Variants in GLP2R observed in about 807,000 individuals in gnomAD.
GLP2R encodes glucagon like peptide 2 receptor.
GLP2R carries 59 observed loss-of-function variants against 68.2 expected under a neutral mutation model. The ratio of observed to expected loss-of-function variants is 0.87; its 90% CI spans 0.70 to 1.07. The LOEUF is 1.07. Among genes scored for constraint, GLP2R ranks in the 50% least tolerant of loss-of-function variants. GLP2R has a pLI of 0.00. For missense variants in GLP2R, 548 were observed against 677.4 expected (o/e 0.81, Z 2.12); for synonymous variants, 270 against 265.4 (o/e 1.02, Z -0.17).
chr17:9,837,882 T>C (rs989078340), intron 3 of GLP2R, among the ~76,000 whole-genome samples: 3 of 152,188 alleles, frequency 2.0e-5, no homozygotes, highest in African/African-American at 4.8e-5. Flanking sequence ...GGTAAGATGA[T>C]AGCCTTTTGT....
At chr17:9,873,577 T>TTTTTTTTTTTTTTTTTTTTTTTTG (rs2067116709) in intron 10 of GLP2R, among the ~76,000 whole-genome samples, 2 of 147,512 alleles carry the variant, frequency 1.4e-5, no homozygotes, top group Non-Finnish European at 3.0e-5. Context: ...TTTTTTTTTT[T>TTTTTTTTTTTTTTTTTTTTTTTTG]TTAGCTCATC....
intron 1 of GLP2R, among the ~76,000 whole-genome samples, chr17:9,829,222 G>A (rs771882639): frequency 6.6e-6 from 1 of 152,154 alleles, no homozygotes; most frequent in Non-Finnish European, 1.5e-5. Flanking sequence ...AGTTGCTTTG[G>A]CATCAAAAAC....
chr17:9,842,087 TC>T (rs59814480), intron 3 of GLP2R, among the ~76,000 whole-genome samples: 24,112 of 152,130 alleles, frequency 0.16, 3,224 homozygotes, highest in African/African-American at 0.35. Flanking sequence ...GGATGGCGCA[TC>T]CGGCTTCAGC....
intron 12 of GLP2R, among the ~76,000 whole-genome samples, chr17:9,888,187 T>G (rs2067260256): frequency 6.6e-6 from 1 of 152,136 alleles, no homozygotes; most frequent in Non-Finnish European, 1.5e-5. Context: ...ATAAGGGAGT[T>G]CAGAAGCCAG....
intron 10 of GLP2R, among the ~76,000 whole-genome samples, chr17:9,874,205 A>G (rs1349087407): frequency 3.3e-5 from 5 of 152,218 alleles, no homozygotes; most frequent in African/African-American, 1.2e-4. Context: ...CCATTGGTCT[A>G]GGAAAGGGTA....
At position 9,890,364 on chromosome 17, in the gene GLP2R, C is replaced by A. The variant is rs1251773206; in HGVS notation, c.*659C>A. On this transcript the variant is annotated 3_prime_UTR_variant, in exon 13 of 13. Transcript: ENST00000262441. ...CCTGCCCTCCTTGGAGAGTATGTAA[C>A]TCCACCCACCAGAGTGCCACTCCTC... The A allele has an allele frequency of 7.9e-6, 2 of 254,538 alleles. No homozygotes were observed. Among genetic ancestry groups the A allele is most frequent in the Non-Finnish European group, 1.5e-5 (2 of 129,214 alleles). 15.8% of individuals were successfully genotyped at this position (254,538 alleles called of 1,614,324 possible).
intron 4 of GLP2R, among the ~76,000 whole-genome samples, chr17:9,843,779 C>T (rs1180735203): frequency 6.6e-6 from 1 of 152,202 alleles, no homozygotes; most frequent in East Asian, 1.9e-4. Context: ...CAGATATCTA[C>T]GGCCACACCT....
At chr17:9,869,785 A>C (rs368630460) in intron 9 of GLP2R, among the ~76,000 whole-genome samples, 9 of 152,174 alleles carry the variant, frequency 5.9e-5, no homozygotes, top group Admixed American at 3.9e-4. Context: ...CCTTTTGAGG[A>C]CCTAGCCCAG....
chr17:9,848,187 TTGTC>T (rs1238489176), intron 4 of GLP2R, among the ~76,000 whole-genome samples: 1 of 152,194 alleles, frequency 6.6e-6, no homozygotes, highest in South Asian at 2.1e-4. Flanking sequence ...TCTCAAGAAT[TTGTC>T]TGACTTTTTT....
At chr17:9,877,664 C>T (rs1313314947) in intron 10 of GLP2R, among the ~76,000 whole-genome samples, 1 of 152,010 alleles carries the variant, frequency 6.6e-6, no homozygotes, top group Non-Finnish European at 1.5e-5. Flanking sequence ...CCGAGGCGGG[C>T]GGATCACAAG....
intron 6 of GLP2R, among the ~76,000 whole-genome samples, chr17:9,859,332 C>A (rs933967144): frequency 6.6e-6 from 1 of 152,094 alleles, no homozygotes; most frequent in Admixed American, 6.6e-5. Context: ...TCCATTAGGG[C>A]AGTTGCTGAT....
At position 9,891,069 on chromosome 17, in the gene GLP2R, A is replaced by T. The variant is rs1305185611; in HGVS notation, c.*1364A>T. On this transcript the variant is annotated 3_prime_UTR_variant, in exon 13 of 13. Transcript: ENST00000262441. The stretch of plus-strand genomic sequence containing the variant: ...GTATGTTGCTATGGGACTAAATACC[A>T]CCTTGTCTTCGGGGGAGTCAGTTTG... The T allele has an allele frequency of 6.6e-6, 1 of 152,170 alleles. No individual in the cohort carries two copies. The highest frequency in any genetic ancestry group is 1.9e-4 in the East Asian group (1 of 5,204). The allele number at this position is 152,170 out of a possible 1,614,324, so 9.4% of individuals were successfully genotyped here. A position where few individuals can be genotyped will look rare whatever the true frequency, so the allele number is the denominator to read the frequency against.
intron 12 of GLP2R, among the ~76,000 whole-genome samples, chr17:9,888,291 T>G (rs1272789805): frequency 6.6e-6 from 1 of 152,116 alleles, no homozygotes; most frequent in East Asian, 1.9e-4. Flanking sequence ...CACGCCTTGG[T>G]TCACCCTCAG....
At chr17:9,838,385 C>T (rs1323816387) in intron 3 of GLP2R, among the ~76,000 whole-genome samples, 3 of 152,130 alleles carry the variant, frequency 2.0e-5, no homozygotes, top group Admixed American at 6.5e-5. Context: ...GCTTGGTCCG[C>T]GGGAGCTGAA....
intron 1 of GLP2R, among the ~76,000 whole-genome samples, chr17:9,828,294 A>C (rs565569296): frequency 3.1e-4 from 47 of 152,322 alleles, no homozygotes; most frequent in African/African-American, 1.1e-3. Context: ...ATCCTTCAGG[A>C]AGGTGGCCCT....
At chr17:9,877,792 G>A (rs2067154916) in intron 10 of GLP2R, among the ~76,000 whole-genome samples, 2 of 151,056 alleles carry the variant, frequency 1.3e-5, no homozygotes. Context: ...CAGGAGAATG[G>A]CATGAACCCG....
At chr17:9,827,251 C>T (rs898173770) in intron 1 of GLP2R, among the ~76,000 whole-genome samples, 1 of 152,036 alleles carries the variant, frequency 6.6e-6, no homozygotes, top group Non-Finnish European at 1.5e-5. Flanking sequence ...TAACAAAATA[C>T]ACTAATAACA....
At position 9,880,454 on chromosome 17, in the gene GLP2R, C is replaced by A; in HGVS notation, c.1222C>A (p.Gln408Lys). 1 of 1,599,166 alleles carries A rather than the reference C, an allele frequency of 6.3e-7. No homozygotes were observed. Among genetic ancestry groups the A allele is most frequent in the Non-Finnish European group, 8.6e-7 (1 of 1,168,028 alleles). ...CCTCTTCTCTTTCATCACTGATGAT[C>A]AAGTTGAAGGATTTGCAAAACTTAT... The part of the protein sequence containing the change: ...EILFSFITDD[Q>K]VEGFAKLIRL... The change falls in exon 11 of 13, where the codon CAA (glutamine) becomes AAA (lysine). Residue 408 changes from glutamine to lysine, a missense_variant. By Grantham distance (53) the Gln-to-Lys change is moderately conservative. Coordinates refer to ENST00000262441, the MANE Select transcript of GLP2R (RefSeq NM_004246.3).
At chr17:9,855,293 G>A (rs1051962856) in intron 5 of GLP2R, among the ~76,000 whole-genome samples, 5 of 152,170 alleles carry the variant, frequency 3.3e-5, no homozygotes, top group African/African-American at 1.2e-4. Context: ...GGAAGAAAGG[G>A]ATGGCAATGT....
Sources: gnomAD v4.1 joint callset for allele counts (sites outside exome capture counted in the v4.1 genomes callset) on GRCh38, gnomAD v4.1.1 for gene constraint, MANE v1.5 for transcripts, NCBI Gene and HGNC (gene_info 2026-07-23, HGNC 2026-07-21) for gene names.